TNR: variants seen among roughly 807,000 people sequenced by gnomAD.
TNR encodes tenascin R.
Under a neutral mutation model 150.4 loss-of-function variants are expected in TNR, and 45 were observed. The ratio of observed to expected loss-of-function variants is 0.30; its 90% CI spans 0.24 to 0.38. TNR has a LOEUF of 0.38. Among genes scored for constraint, TNR ranks in the 10% least tolerant of loss-of-function variants. The probability of loss-of-function intolerance (pLI) is 1.00; values close to 1 mark genes in which losing one functional copy is unlikely to be tolerated. For missense variants in TNR, 1,544 were observed against 1,759.1 expected, an observed-to-expected ratio of 0.88 and a Z score of 2.19; for synonymous variants, 687 against 678.4, an observed-to-expected ratio of 1.01 and a Z score of -0.20.
At chr1:175,325,673 G>C (rs559415346) in intron 21 of TNR, among the ~76,000 whole-genome samples, 6 of 152,298 alleles carry the variant, frequency 3.9e-5, no homozygotes, top group African/African-American at 1.4e-4. Context: ...CTATACCATG[G>C]AATACTATGC....
chr1:175,594,428 G>A (rs1662926238), intron 1 of TNR, among the ~76,000 whole-genome samples: 1 of 151,958 alleles, frequency 6.6e-6, no homozygotes, highest in Admixed American at 6.6e-5. Context: ...ATCAATATGG[G>A]TCTAACTTAT....
chr1:175,739,527 C>T (rs145753077), intron 1 of TNR, among the ~76,000 whole-genome samples: 1 of 152,206 alleles, frequency 6.6e-6, no homozygotes, highest in African/African-American at 2.4e-5. Flanking sequence ...CGCACACACA[C>T]ACACATTCAC....
intron 1 of TNR, among the ~76,000 whole-genome samples, chr1:175,611,139 G>T (rs893591451): frequency 6.6e-6 from 1 of 152,062 alleles, no homozygotes; most frequent in Non-Finnish European, 1.5e-5. Context: ...TTAAAAAATT[G>T]CAGGCTAATT....
chr1:175,462,982 A>G (rs1656883789), intron 2 of TNR, among the ~76,000 whole-genome samples: 1 of 152,146 alleles, frequency 6.6e-6, no homozygotes, highest in Non-Finnish European at 1.5e-5. Flanking sequence ...CGTGTTTTAG[A>G]AACTGTTTCT....
At chr1:175,632,165 G>A (rs1323535202) in intron 1 of TNR, among the ~76,000 whole-genome samples, 1 of 152,224 alleles carries the variant, frequency 6.6e-6, no homozygotes. Context: ...GGATACTCAT[G>A]CAGTTTCATT....
chr1:175,693,941 CT>C (rs759603536), intron 1 of TNR, among the ~76,000 whole-genome samples: 5 of 152,228 alleles, frequency 3.3e-5, no homozygotes, highest in Non-Finnish European at 7.3e-5. Flanking sequence ...AAAGACTTAG[CT>C]GAGGAATGCC....
intron 1 of TNR, among the ~76,000 whole-genome samples, chr1:175,741,184 C>A (rs1667917623): frequency 6.6e-6 from 1 of 152,246 alleles, no homozygotes; most frequent in Non-Finnish European, 1.5e-5. Context: ...TTCTCTCCTG[C>A]ACATGAGCAT....
At chr1:175,432,143 G>A (rs1394042248) in intron 2 of TNR, among the ~76,000 whole-genome samples, 1 of 152,114 alleles carries the variant, frequency 6.6e-6, no homozygotes, top group African/African-American at 2.4e-5. Flanking sequence ...CATCCACAGA[G>A]GACAATCTGT....
At chr1:175,635,488 C>T (rs1447698814) in intron 1 of TNR, among the ~76,000 whole-genome samples, 3 of 152,156 alleles carry the variant, frequency 2.0e-5, no homozygotes, top group African/African-American at 7.2e-5. Context: ...ATTTGTAGAA[C>T]ACATTTTATC....
At chr1:175,406,138 C>T (rs1653948790) in intron 3 of TNR, 78 bp downstream of exon 3, 2 of 1,528,702 alleles carry the variant, frequency 1.3e-6, no homozygotes, top group South Asian at 1.3e-5. Context: ...GTGCATTGGT[C>T]CTTCTTGTTC....
intron 1 of TNR, among the ~76,000 whole-genome samples, chr1:175,620,878 C>T (rs1017043498): frequency 2.0e-5 from 3 of 152,094 alleles, no homozygotes; most frequent in African/African-American, 7.2e-5. Flanking sequence ...CTCCAACTTG[C>T]TTTATAAGCT....
At chr1:175,673,587 C>T (rs1182260280) in intron 1 of TNR, among the ~76,000 whole-genome samples, 1 of 152,242 alleles carries the variant, frequency 6.6e-6, no homozygotes, top group Non-Finnish European at 1.5e-5. Flanking sequence ...CTAAGTGCCT[C>T]CTCTGAACTC....
chr1:175,440,976 C>A (rs932766776), intron 2 of TNR, among the ~76,000 whole-genome samples: 21 of 152,058 alleles, frequency 1.4e-4, no homozygotes, highest in African/African-American at 5.1e-4. Context: ...CTGTATATGG[C>A]CATAAAGGCA....
chr1:175,329,634 T>C (rs1649612480), intron 21 of TNR, among the ~76,000 whole-genome samples: 1 of 152,220 alleles, frequency 6.6e-6, no homozygotes, highest in African/African-American at 2.4e-5. Context: ...AAAGATGGTT[T>C]TCCTGGATGT....
intron 1 of TNR, among the ~76,000 whole-genome samples, chr1:175,530,453 C>T (rs1227756334): frequency 2.6e-5 from 4 of 152,196 alleles, no homozygotes; most frequent in Non-Finnish European, 4.4e-5. Context: ...CAGCAGCCAA[C>T]GCTCCCAGCA....
At chr1:175,570,759 C>CATCAAAATTAAATTTT (rs1661833856) in intron 1 of TNR, among the ~76,000 whole-genome samples, 1 of 151,998 alleles carries the variant, frequency 6.6e-6, no homozygotes, top group African/African-American at 2.4e-5. Context: ...TAAAAGGAGT[C>CATCAAAATTAAATTTT]ATCAAAATTA....
intron 2 of TNR, among the ~76,000 whole-genome samples, chr1:175,455,369 T>G (rs1360764701): frequency 2.0e-5 from 3 of 152,246 alleles, no homozygotes; most frequent in African/African-American, 4.8e-5. Context: ...TCCTTAGAAT[T>G]AATGTGCATT....
chr1:175,502,458 G>T (rs1487050532), intron 2 of TNR, among the ~76,000 whole-genome samples: 2 of 152,046 alleles, frequency 1.3e-5, no homozygotes, highest in African/African-American at 4.8e-5. Flanking sequence ...TACAAACTCG[G>T]GGCTCCTTGC....
intron 2 of TNR, among the ~76,000 whole-genome samples, chr1:175,506,866 G>A (rs1403126021): frequency 6.6e-6 from 1 of 152,256 alleles, no homozygotes; most frequent in Non-Finnish European, 1.5e-5. Flanking sequence ...CCAGGCCTCA[G>A]TTAGGTGCCA....
Sources: allele counts gnomAD v4.1 joint callset (sites outside exome capture counted in the v4.1 genomes callset), GRCh38; gene constraint gnomAD v4.1.1; transcripts MANE v1.5; gene names NCBI Gene and HGNC (gene_info 2026-07-23, HGNC 2026-07-21).